NLRP4: variants seen among roughly 807,000 people sequenced by gnomAD.
NLRP4 encodes NLR family pyrin domain containing 4.
Under a neutral mutation model 84.7 loss-of-function variants are expected in NLRP4, and 44 were observed. The ratio of observed to expected loss-of-function variants is 0.52; its 90% CI spans 0.41 to 0.67. NLRP4 has a LOEUF of 0.67. Ranked by LOEUF, NLRP4 falls within the 30% of genes least tolerant of loss-of-function variation. The pLI, the probability that NLRP4 is intolerant of heterozygous loss-of-function variation, is 0.00. For synonymous variants in NLRP4, 544 were observed against 476.4 expected, an observed-to-expected ratio of 1.14 and a Z score of -1.85; for missense variants, 1,260 against 1,219.4, an observed-to-expected ratio of 1.03 and a Z score of -0.50.
chr19:55,844,891 A>ATG (rs950588330), intron 1 of NLRP4, among the ~76,000 whole-genome samples: 3 of 151,690 alleles, frequency 2.0e-5, no homozygotes, highest in Admixed American at 1.3e-4. Flanking sequence ...GTGTGTATGC[A>ATG]TGTGTGTGTG....
At position 55,849,810 on chromosome 19, in the gene NLRP4, A is replaced by AAAGCTGCGGTGTAATTTCCG. The variant is rs1568657801; in HGVS notation, c.-65-2184_-65-2165dup. The stretch of plus-strand genomic sequence containing the variant: ...TTTCCAAAGCTGCGGTGTAATTTCC[A>AAAGCTGCGGTGTAATTTCCG]AAGCTGCGGTGTAATTTCCGAAGCT... On this transcript the variant is annotated intron_variant, in intron 1 of 9. Transcript: ENST00000301295. 3.9e-3 allele frequency among the ~76,000 whole-genome samples: 390 copies of AAAGCTGCGGTGTAATTTCCG among 101,196 alleles called. 11 individuals carry two copies. The highest frequency in any genetic ancestry group is 8.6e-3 in the African/African-American group (184 of 21,508). 66.4% of individuals were successfully genotyped at this position (101,196 alleles called of 152,430 possible). A position where few individuals can be genotyped will look rare whatever the true frequency, so the allele number is the denominator to read the frequency against.
intron 8 of NLRP4, among the ~76,000 whole-genome samples, chr19:55,877,858 A>C (rs1985431144): frequency 6.6e-6 from 1 of 152,162 alleles, no homozygotes; most frequent in Non-Finnish European, 1.5e-5. Flanking sequence ...GCCTCTATAA[A>C]GACCTTGTAT....
At chr19:55,859,346 G>C in intron 3 of NLRP4, 97 bp downstream of exon 3, 1 of 986,678 alleles carries the variant, frequency 1.0e-6, no homozygotes, top group Non-Finnish European at 1.5e-6. Flanking sequence ...ATCATGGTTA[G>C]AAACTCATTT....
intron 8 of NLRP4, among the ~76,000 whole-genome samples, chr19:55,878,114 A>G (rs1425527356): frequency 6.6e-6 from 1 of 152,164 alleles, no homozygotes; most frequent in African/African-American, 2.4e-5. Context: ...CCCCATCTCC[A>G]TAAAAATTAG....
chr19:55,876,175 C>T (rs756870486), intron 7 of NLRP4, among the ~76,000 whole-genome samples: 6 of 152,138 alleles, frequency 3.9e-5, no homozygotes, highest in Middle Eastern at 3.2e-3. Context: ...GACTGATCCA[C>T]GTGTGTTCAG....
In NLRP4 at chr19:55,852,272, A is replaced by G. The variant is rs985075936; in HGVS notation, c.192A>G (p.Glu64=). Residue 64 remains glutamate, a synonymous_variant, in exon 2 of 10, where the codon GAA becomes GAG. Transcript: ENST00000301295. ...ELANLLIKHY[E]EQQAWNITLR... Reference sequence around the variant, plus strand: ...CAAACCTCTTGATCAAGCACTATGAAGAACAACAAGCTTGGAACATAACCT... The same window carrying G: ...CAAACCTCTTGATCAAGCACTATGAGGAACAACAAGCTTGGAACATAACCT... The G allele has an allele frequency of 1.9e-6, 3 of 1,605,976 alleles. No individual in the cohort carries two copies. Among genetic ancestry groups the G allele is most frequent in the Admixed American group, 1.7e-5 (1 of 57,790 alleles).
At chr19:55,868,651 C>T (rs554167326) in intron 6 of NLRP4, among the ~76,000 whole-genome samples, 17 of 151,994 alleles carry the variant, frequency 1.1e-4, no homozygotes, top group South Asian at 4.2e-4. Context: ...TACAGGCATG[C>T]GCCACCATGC....
intron 1 of NLRP4, among the ~76,000 whole-genome samples, chr19:55,847,276 T>G (rs919506335): frequency 6.6e-5 from 10 of 152,332 alleles, no homozygotes; most frequent in African/African-American, 2.4e-4. Context: ...TTCATTGCCC[T>G]TAAGACAAAG....
intron 2 of NLRP4, among the ~76,000 whole-genome samples, chr19:55,856,097 G>A (rs893984205): frequency 3.3e-5 from 5 of 150,374 alleles, no homozygotes; most frequent in Admixed American, 6.6e-5. Flanking sequence ...AGGTTCAAGC[G>A]ATTCTTCTGC....
At chr19:55,855,423 G>A (rs1984372734) in intron 2 of NLRP4, among the ~76,000 whole-genome samples, 1 of 152,166 alleles carries the variant, frequency 6.6e-6, no homozygotes, top group African/African-American at 2.4e-5. Flanking sequence ...GAGAAGACCA[G>A]GAAAGCAGGA....
In NLRP4 at chr19:55,858,541, A is replaced by T. The variant is rs1379642867; in HGVS notation, c.1148A>T (p.Glu383Val). The T allele has an allele frequency of 1.2e-6, 2 of 1,614,096 alleles. No individual in the cohort carries two copies. The highest frequency in any genetic ancestry group is 2.2e-5 in the South Asian group (2 of 91,068). ...SSFVFNLFTP[E>V]GAEGPTPQTQ... is the part of the protein sequence containing the mutation. Reference sequence around the variant, plus strand: ...TTCGTCTTTAACCTGTTCACACCTGAGGGTGCCGAGGGCCCGACTCCGCAA... The same window carrying T: ...TTCGTCTTTAACCTGTTCACACCTGTGGGTGCCGAGGGCCCGACTCCGCAA... The change falls in exon 3 of 10, where the codon GAG (glutamate) becomes GTG (valine). Residue 383 changes from glutamate to valine, a missense_variant. By Grantham distance (121) the Glu-to-Val change is moderately radical (BLOSUM62 -2). Transcript: ENST00000301295. The surrounding 1 kb of genome is among the most constrained non-coding windows in gnomAD (Gnocchi z 4.2).
chr19:55,876,531 G>A (rs1985378327), intron 7 of NLRP4, among the ~76,000 whole-genome samples: 1 of 146,584 alleles, frequency 6.8e-6, no homozygotes, highest in East Asian at 2.1e-4. Context: ...TGTATTTTTT[G>A]TGTTTTTTTT....
chr19:55,876,918 C>T (rs1337801586), intron 7 of NLRP4, 78 bp from the exon 8 acceptor site: 10 of 1,196,394 alleles, frequency 8.4e-6, no homozygotes, highest in Non-Finnish European at 1.2e-5. Flanking sequence ...CAAAGGCTGT[C>T]GTGCTTTGGT....
intron 8 of NLRP4, among the ~76,000 whole-genome samples, chr19:55,877,696 C>A (rs542148567): frequency 0.012 from 1,848 of 152,212 alleles, 43 homozygotes; most frequent in African/African-American, 0.042. Flanking sequence ...GGAGAATCTG[C>A]TTCAGGCCCT....
intron 7 of NLRP4, among the ~76,000 whole-genome samples, chr19:55,873,394 A>C (rs1168801619): frequency 6.6e-6 from 1 of 152,240 alleles, no homozygotes. Flanking sequence ...AAAAAGAACA[A>C]GGAAACAAAA....
intron 3 of NLRP4, among the ~76,000 whole-genome samples, chr19:55,859,488 G>C (rs1984632618): frequency 6.6e-6 from 1 of 152,126 alleles, no homozygotes; most frequent in Non-Finnish European, 1.5e-5. Context: ...TGTATTGTGA[G>C]GAGTGAATAT....
At position 55,858,853 on chromosome 19, in the gene NLRP4, A is replaced by G; in HGVS notation, c.1460A>G (p.Asn487Ser). Residue 487 changes from asparagine to serine, a missense_variant, in exon 3 of 10, where the codon AAT becomes AGT. This residue lies in a region of NLRP4 where 712 missense variants were observed against 669.2 expected (regional missense o/e 1.06). Transcript: ENST00000301295. The surrounding 1 kb of genome is among the most constrained non-coding windows in gnomAD (Gnocchi z 4.2). Reference sequence around the variant, plus strand: ...TGTGTACAGGAATTGCTAGTTGCCAATTTTGAAAAAGCAAGGAGAGCACAT... The same window carrying G: ...TGTGTACAGGAATTGCTAGTTGCCAGTTTTGAAAAAGCAAGGAGAGCACAT... The part of the protein sequence containing the change: ...VRCVQELLVA[N>S]FEKARRAHWI... The G allele has an allele frequency of 6.2e-7, 1 of 1,614,212 alleles. No individual in the cohort carries two copies.
At chr19:55,846,155 G>A (rs1384175733) in intron 1 of NLRP4, among the ~76,000 whole-genome samples, 2 of 152,136 alleles carry the variant, frequency 1.3e-5, no homozygotes, top group Non-Finnish European at 2.9e-5. Flanking sequence ...CTGGTTTTAG[G>A]TCTAACATGT....
At chr19:55,848,054 C>T (rs560450819) in intron 1 of NLRP4, among the ~76,000 whole-genome samples, 102 of 152,198 alleles carry the variant, frequency 6.7e-4, no homozygotes, top group African/African-American at 2.4e-3. Context: ...CATCTAGGAT[C>T]CCCCACTGGG....
Sources: allele counts gnomAD v4.1 joint callset (sites outside exome capture counted in the v4.1 genomes callset), GRCh38; gene constraint gnomAD v4.1.1; regional missense constraint gnomAD v4.1.1; non-coding constraint Gnocchi (gnomAD v3.1); transcripts MANE v1.5; gene names NCBI Gene and HGNC (gene_info 2026-07-23, HGNC 2026-07-21).